STIM1: variants seen among roughly 807,000 people sequenced by gnomAD.
The protein encoded by STIM1 is stromal interaction molecule 1.
STIM1 carries 25 observed loss-of-function variants against 74.7 expected under a neutral mutation model. The ratio of observed to expected loss-of-function variants is 0.33; its 90% CI spans 0.24 to 0.47. The LOEUF is 0.47. Among genes scored for constraint, STIM1 ranks in the 20% least tolerant of loss-of-function variants. The pLI is 1.00. For synonymous variants in STIM1, 328 were observed against 348.8 expected, an observed-to-expected ratio of 0.94 and a Z score of 0.66; for missense variants, 728 against 920.8, an observed-to-expected ratio of 0.79 and a Z score of 2.71.
intron 12 of STIM1, chr11:4,088,712 C>G: frequency 6.5e-7 from 1 of 1,535,850 alleles, no homozygotes; most frequent in Non-Finnish European, 8.7e-7. Flanking sequence ...AGGATCATCT[C>G]TAAAGGCAAA....
intron 2 of STIM1, among the ~76,000 whole-genome samples, chr11:4,019,692 A>C (rs1373116105): frequency 2.0e-5 from 3 of 152,198 alleles, no homozygotes; most frequent in African/African-American, 7.2e-5. Flanking sequence ...TATTTATAGG[A>C]TACAGTGTGA....
At chr11:4,084,040 T>C (rs7124301) in intron 10 of STIM1, among the ~76,000 whole-genome samples, 67,953 of 152,020 alleles carry the variant, frequency 0.45, 17,164 homozygotes, top group Non-Finnish European at 0.57. Flanking sequence ...TGTCTGGCTT[T>C]CCACCTGGAC....
chr11:3,984,028 G>A (rs1177075584), intron 2 of STIM1, among the ~76,000 whole-genome samples: 18 of 151,956 alleles, frequency 1.2e-4, no homozygotes, highest in Non-Finnish European at 5.9e-5. Context: ...CAGCATGCCC[G>A]GCTAATTTTT....
At chr11:4,066,895 G>GCCT in intron 5 of STIM1, among the ~76,000 whole-genome samples, 1 of 152,170 alleles carries the variant, frequency 6.6e-6, no homozygotes, top group Non-Finnish European at 1.5e-5. Flanking sequence ...GCATAGATTA[G>GCCT]ACTCTTGATT....
At chr11:4,021,507 G>A (rs1384823216) in intron 2 of STIM1, among the ~76,000 whole-genome samples, 1 of 152,210 alleles carries the variant, frequency 6.6e-6, no homozygotes, top group Non-Finnish European at 1.5e-5. Flanking sequence ...CTATACATAT[G>A]TGGATTTTAT....
At chr11:4,025,266 TAA>T (rs1439674787) in intron 3 of STIM1, among the ~76,000 whole-genome samples, 1 of 152,146 alleles carries the variant, frequency 6.6e-6, no homozygotes, top group African/African-American at 2.4e-5. Context: ...TGGGGAGCAT[TAA>T]ATGTGAAGCA....
rs763770274 is a variant in STIM1 at position 4,091,727 on chromosome 11, G to A, written c.2080G>A (p.Glu694Lys). ...VAEEDNGSIGEETDSSPGRKK... is the reference protein window; with the variant it reads ...VAEEDNGSIGKETDSSPGRKK... Reference sequence around the variant, plus strand: ...TGAGGAGGATAATGGCTCTATTGGCGAGGAAACAGACTCCAGCCCAGGCCG... The same window carrying A: ...TGAGGAGGATAATGGCTCTATTGGCAAGGAAACAGACTCCAGCCCAGGCCG... The change falls in exon 13 of 13, where the codon GAG (glutamate) becomes AAG (lysine). Residue 694 changes from glutamate to lysine, a missense_variant. This residue lies in a region of STIM1 where 352 missense variants were observed against 370.1 expected (regional missense o/e 0.95). Transcript: ENST00000526596. 10 of 1,613,648 alleles carry A rather than the reference G, an allele frequency of 6.2e-6. No individual in the cohort carries two copies. The highest frequency in any genetic ancestry group is 4.0e-5 in the African/African-American group (3 of 74,920).
chr11:4,041,090 A>G (rs765271984), intron 3 of STIM1, among the ~76,000 whole-genome samples: 2 of 152,236 alleles, frequency 1.3e-5, no homozygotes, highest in Non-Finnish European at 2.9e-5. Flanking sequence ...CTTTGGAAGG[A>G]TTTGATAGCT....
At chr11:4,008,679 T>C (rs975430987) in intron 2 of STIM1, among the ~76,000 whole-genome samples, 4 of 152,146 alleles carry the variant, frequency 2.6e-5, no homozygotes, top group Admixed American at 1.3e-4. Context: ...TTTCATTGCA[T>C]GGCACACTCA....
At chr11:4,044,989 A>G (rs1025632144) in intron 3 of STIM1, among the ~76,000 whole-genome samples, 3 of 151,968 alleles carry the variant, frequency 2.0e-5, no homozygotes, top group African/African-American at 7.2e-5. Flanking sequence ...GGATTATCTC[A>G]TCTAAAATGT....
intron 1 of STIM1, among the ~76,000 whole-genome samples, chr11:3,888,560 CAG>C (rs2091801325): frequency 1.3e-5 from 2 of 151,892 alleles, no homozygotes; most frequent in African/African-American, 4.8e-5. Flanking sequence ...ATTTTTGAGA[CAG>C]AGTCTCCCTC....
chr11:3,946,795 G>A (rs1253748727), intron 1 of STIM1, among the ~76,000 whole-genome samples: 7 of 152,164 alleles, frequency 4.6e-5, no homozygotes, highest in Admixed American at 4.6e-4. Context: ...ACTCTAACCA[G>A]TTGGGAAGCA....
chr11:3,905,455 C>A (rs984775254), intron 1 of STIM1, among the ~76,000 whole-genome samples: 6 of 151,406 alleles, frequency 4.0e-5, no homozygotes, highest in African/African-American at 1.5e-4. Flanking sequence ...GAAATGTAGC[C>A]AGTGAAGGTG....
chr11:3,890,815 G>GATTT (rs2091869829), intron 1 of STIM1, among the ~76,000 whole-genome samples: 4 of 152,170 alleles, frequency 2.6e-5, no homozygotes, highest in African/African-American at 9.7e-5. Flanking sequence ...GCTTCTAGAA[G>GATTT]GCATTCTTTG....
At chr11:4,024,641 G>A (rs2093984344) in intron 3 of STIM1, among the ~76,000 whole-genome samples, 1 of 152,176 alleles carries the variant, frequency 6.6e-6, no homozygotes, top group Admixed American at 6.6e-5. Context: ...AGTTGAGCAG[G>A]ACTGTCACCT....
intron 1 of STIM1, among the ~76,000 whole-genome samples, chr11:3,883,297 A>G (rs1342672552): frequency 6.6e-6 from 1 of 151,290 alleles, no homozygotes; most frequent in African/African-American, 2.4e-5. Flanking sequence ...TCCTTCTTCC[A>G]CTAGTTAGGT....
chr11:4,087,959 A>G (rs934850011), intron 12 of STIM1, among the ~76,000 whole-genome samples: 3 of 151,964 alleles, frequency 2.0e-5, no homozygotes, highest in Non-Finnish European at 2.9e-5. Context: ...TTTTAAGAAC[A>G]GTAAGTTAAG....
rs200357765 is a variant in STIM1 at position 3,961,514 on chromosome 11, A to ATT, written c.140-6037_140-6036insTT. On this transcript the variant is annotated intron_variant, in intron 1 of 12. Coordinates refer to ENST00000526596, the MANE Select transcript of STIM1 (RefSeq NM_001382567.1). ...GTGATGAGTATATATATATATACATATATTTTTTTTTTGAGACAGAGTCTT... is the reference window on the plus strand; with the variant it reads ...GTGATGAGTATATATATATATACATATTTATTTTTTTTTTGAGACAGAGTCTT... 19 of 150,286 alleles carry ATT rather than the reference A, an allele frequency of 1.3e-4. No homozygotes were observed. In the South Asian group the frequency reaches 1.9e-3, roughly 15 times the overall value. 9.3% of individuals were successfully genotyped at this position (150,286 alleles called of 1,614,324 possible). A position where few individuals can be genotyped will look rare whatever the true frequency, so the allele number is the denominator to read the frequency against.
At chr11:4,057,536 G>A (rs1256907521) in intron 4 of STIM1, among the ~76,000 whole-genome samples, 1 of 152,134 alleles carries the variant, frequency 6.6e-6, no homozygotes, top group African/African-American at 2.4e-5. Context: ...GTGTGACTTT[G>A]GGCAAGTTAC....
Sources: gnomAD v4.1 joint callset for allele counts (sites outside exome capture counted in the v4.1 genomes callset) on GRCh38, gnomAD v4.1.1 for gene constraint, gnomAD v4.1.1 regional missense constraint, MANE v1.5 for transcripts, NCBI Gene and HGNC (gene_info 2026-07-23, HGNC 2026-07-21) for gene names.